Variants in CADM2 observed in about 807,000 individuals in gnomAD.
CADM2 encodes immunoglobulin superfamily member 4D.
In CADM2, 12 loss-of-function variants were observed where a neutral mutation model predicts 49.8. That is an observed-to-expected ratio of 0.24 (90% confidence interval 0.15 to 0.39). The LOEUF is 0.39. Among genes scored for constraint, CADM2 ranks in the 10% least tolerant of loss-of-function variants. The pLI, the probability that CADM2 is intolerant of heterozygous loss-of-function variation, is 1.00. For synonymous variants in CADM2, 214 were observed against 175.4 expected (o/e 1.22, Z -1.74); for missense variants, 378 against 492.3 (o/e 0.77, Z 2.20).
rs532365990 is a variant in CADM2 at position 85,259,029 on chromosome 3, G to A, written c.61+299361G>A. Among the ~76,000 whole-genome samples, 6 of 152,272 alleles carry A rather than the reference G, an allele frequency of 3.9e-5. No individual in the cohort carries two copies. The South Asian group carries it at 1.0e-3, about 26-fold the overall frequency. Reference sequence around the variant, plus strand: ...TTCAATGAGGACTGGCGTAAAGAAAGCATTTCTAGTCATTCATCAGCATTG... The same window carrying A: ...TTCAATGAGGACTGGCGTAAAGAAAACATTTCTAGTCATTCATCAGCATTG... On this transcript the variant is annotated intron_variant, in intron 1 of 9. Coordinates refer to ENST00000383699, the MANE Select transcript of CADM2 (RefSeq NM_001167675.2).
chr3:85,870,373 A>G (rs1000426271), intron 3 of CADM2, among the ~76,000 whole-genome samples: 2 of 151,846 alleles, frequency 1.3e-5, no homozygotes, highest in African/African-American at 4.8e-5. Context: ...CCTAGCACCC[A>G]CTAATTATTT....
rs941791433 is a variant in CADM2, at chr3:85,950,927, G to C, written c.792-10542G>C. Among the ~76,000 whole-genome samples, 12 of 151,006 alleles carry C rather than the reference G, an allele frequency of 7.9e-5. No individual in the cohort carries two copies. The Admixed American group carries it at 8.0e-4, about 10-fold the overall frequency. ...ATTTACAGTTTAAGGGAGTAAGTAG[G>C]CTTGAGTTTTCCACTTCAAACTTCA... On this transcript the variant is annotated intron_variant, in intron 7 of 9. Transcript: ENST00000383699.
intron 1 of CADM2, among the ~76,000 whole-genome samples, chr3:85,429,223 C>A (rs1289904085): frequency 5.9e-5 from 9 of 152,030 alleles, no homozygotes; most frequent in Non-Finnish European, 1.2e-4. Context: ...GTCTAATAAT[C>A]TGTACGTGTT....
intron 8 of CADM2, among the ~76,000 whole-genome samples, chr3:85,972,311 A>T (rs1245501625): frequency 2.0e-5 from 3 of 151,750 alleles, no homozygotes; most frequent in South Asian, 4.1e-4. Context: ...ATTTTTTAAG[A>T]TAGGGAAATG....
intron 1 of CADM2, among the ~76,000 whole-genome samples, chr3:85,533,584 AAAAT>A (rs2061367176): frequency 6.6e-6 from 1 of 152,214 alleles, no homozygotes; most frequent in Non-Finnish European, 1.5e-5. Flanking sequence ...AATTTCTCTT[AAAAT>A]AAATCATTTA....
At chr3:85,830,637 C>T (rs866791424) in intron 3 of CADM2, among the ~76,000 whole-genome samples, 1 of 151,650 alleles carries the variant, frequency 6.6e-6, no homozygotes, top group Non-Finnish European at 1.5e-5. Context: ...CTTCTAGGAG[C>T]TTTATGGTTT....
intron 1 of CADM2, among the ~76,000 whole-genome samples, chr3:85,639,504 C>T (rs908342874): frequency 1.3e-5 from 2 of 152,086 alleles, no homozygotes; most frequent in Non-Finnish European, 2.9e-5. Context: ...TCAGTCAACT[C>T]GTAGAATGCT....
chr3:85,974,017 C>G (rs1726471697), intron 8 of CADM2, among the ~76,000 whole-genome samples: 1 of 151,564 alleles, frequency 6.6e-6, no homozygotes, highest in Non-Finnish European at 1.5e-5. Context: ...GAGGGATTGG[C>G]TCAGAGTATA....
chr3:85,350,763 GA>G (rs985470990), intron 1 of CADM2, among the ~76,000 whole-genome samples: 182 of 149,812 alleles, frequency 1.2e-3, no homozygotes, highest in East Asian at 2.3e-3. Context: ...GGTTATTAAC[GA>G]AAAAAAAAGT....
At chr3:85,659,914 C>T (rs1217668050) in intron 1 of CADM2, among the ~76,000 whole-genome samples, 5 of 152,048 alleles carry the variant, frequency 3.3e-5, no homozygotes, top group South Asian at 2.1e-4. Context: ...ATTTAGCCAG[C>T]GCAAGACTTC....
chr3:85,879,079 A>T, intron 3 of CADM2, among the ~76,000 whole-genome samples: 1 of 150,656 alleles, frequency 6.6e-6, no homozygotes, highest in South Asian at 2.1e-4. Flanking sequence ...ATAAATACAT[A>T]TATTTATATA....
chr3:85,807,712 A>G (rs2108105641), intron 3 of CADM2, among the ~76,000 whole-genome samples: 1 of 152,238 alleles, frequency 6.6e-6, no homozygotes, highest in African/African-American at 2.4e-5. Flanking sequence ...CAAGTACTCA[A>G]TATCCTCCCA....
intron 1 of CADM2, among the ~76,000 whole-genome samples, chr3:85,101,901 A>G (rs2038026509): frequency 6.6e-6 from 1 of 152,130 alleles, no homozygotes; most frequent in African/African-American, 2.4e-5. Flanking sequence ...TGTGCATGTT[A>G]AGATGACACC....
At chr3:85,752,036 A>C (rs1480905189) in intron 2 of CADM2, among the ~76,000 whole-genome samples, 1 of 152,000 alleles carries the variant, frequency 6.6e-6, no homozygotes, top group Non-Finnish European at 1.5e-5. Flanking sequence ...AGAATTTAAC[A>C]AAGAGATGTT....
chr3:86,002,829 G>A lies in CADM2; in HGVS notation c.970+41182G>A, dbSNP rs116453581. ...GTCCATGAAATTTTATGGATACCTC[G>A]TTCTGACCCCTATCTATAACCTATA... is the stretch of plus-strand genomic sequence containing the variant. On this transcript the variant is annotated intron_variant, in intron 8 of 9. Transcript: ENST00000383699. 2.5e-3 allele frequency among the ~76,000 whole-genome samples: 381 copies of A among 152,172 alleles called. 1 individual carries two copies. Among genetic ancestry groups the A allele is most frequent in the African/African-American group, 8.7e-3 (361 of 41,512 alleles).
intron 1 of CADM2, among the ~76,000 whole-genome samples, chr3:85,676,563 A>C (rs1380804955): frequency 6.6e-6 from 1 of 152,196 alleles, no homozygotes; most frequent in Non-Finnish European, 1.5e-5. Context: ...AATTAATGAC[A>C]TCCAAAATGA....
intron 1 of CADM2, among the ~76,000 whole-genome samples, chr3:85,164,360 T>C (rs1463993910): frequency 6.6e-6 from 1 of 152,074 alleles, no homozygotes; most frequent in African/African-American, 2.4e-5. Flanking sequence ...CTATAATCCA[T>C]ATTTTCTGCC....
intron 3 of CADM2, among the ~76,000 whole-genome samples, chr3:85,866,371 A>T (rs1352801975): frequency 6.6e-6 from 1 of 152,158 alleles, no homozygotes; most frequent in Non-Finnish European, 1.5e-5. Context: ...ATCCTTCTGC[A>T]GGTTTCAGTC....
intron 1 of CADM2, among the ~76,000 whole-genome samples, chr3:84,985,540 A>T (rs921538497): frequency 1.3e-5 from 2 of 151,844 alleles, no homozygotes; most frequent in African/African-American, 4.8e-5. Context: ...ATTAATATTT[A>T]ATCATGGCTT....
Sources: gnomAD v4.1 joint callset for allele counts (sites outside exome capture counted in the v4.1 genomes callset) on GRCh38, gnomAD v4.1.1 for gene constraint, MANE v1.5 for transcripts, NCBI Gene and HGNC (gene_info 2026-07-23, HGNC 2026-07-21) for gene names.